Variants in ITGB5 observed in about 807,000 individuals in gnomAD.
ITGB5 encodes the protein integrin beta-5.
In ITGB5, 38 loss-of-function variants were observed where a neutral mutation model predicts 84.8. The observed-to-expected ratio is 0.45, with a 90% CI of 0.35 to 0.59. The LOEUF (loss-of-function observed/expected upper bound fraction) is 0.59. ITGB5 is among the 20% of genes least tolerant of loss of function. ITGB5 has a pLI of 0.01. For synonymous variants in ITGB5, 393 were observed against 414.4 expected, an observed-to-expected ratio of 0.95 and a Z score of 0.63; for missense variants, 905 against 1,034.5, an observed-to-expected ratio of 0.87 and a Z score of 1.72.
At chr3:124,795,394 CAGG>C (rs2064207674) in intron 10 of ITGB5, among the ~76,000 whole-genome samples, 1 of 151,738 alleles carries the variant, frequency 6.6e-6, no homozygotes. Flanking sequence ...GAGTCTGAGG[CAGG>C]AGAATTGCTT....
upstream of ITGB5, chr3:124,887,608 TG>T (rs1158203221): frequency 2.3e-5 from 9 of 394,440 alleles, no homozygotes; most frequent in Non-Finnish European, 4.8e-5. Flanking sequence ...ACTTGGGGCG[TG>T]GGGGGCTCGA....
At chr3:124,846,425 CAAAAA>C (rs1190656208) in intron 4 of ITGB5, among the ~76,000 whole-genome samples, 2 of 69,878 alleles carry the variant, frequency 2.9e-5, no homozygotes, top group African/African-American at 1.1e-4. Context: ...GTTGCACAAG[CAAAAA>C]AAAAAAAAAC....
chr3:124,778,754 G>A (rs946554310), intron 10 of ITGB5, among the ~76,000 whole-genome samples: 5 of 152,176 alleles, frequency 3.3e-5, no homozygotes, highest in African/African-American at 9.7e-5. Context: ...GCAGGATGGG[G>A]AAATGAAGGA....
intron 2 of ITGB5, among the ~76,000 whole-genome samples, chr3:124,861,495 T>TATACACACACACACACACACAC (rs750712591): frequency 1.8e-5 from 2 of 112,014 alleles, no homozygotes; most frequent in African/African-American, 7.5e-5. Context: ...TATATATATA[T>TATACACACACACACACACACAC]ACACACACAC....
intron 2 of ITGB5, among the ~76,000 whole-genome samples, chr3:124,872,795 T>G (rs959316113): frequency 3.3e-5 from 5 of 152,066 alleles, no homozygotes; most frequent in African/African-American, 1.2e-4. Context: ...TTAGTAGAGA[T>G]AGAATCTCGC....
intron 1 of ITGB5, among the ~76,000 whole-genome samples, chr3:124,874,668 T>C (rs1470625127): frequency 6.6e-6 from 1 of 152,208 alleles, no homozygotes; most frequent in Non-Finnish European, 1.5e-5. Context: ...TGTAGACCAA[T>C]GGAACAGAAT....
At chr3:124,851,026 C>T (rs935194641) in intron 3 of ITGB5, among the ~76,000 whole-genome samples, 4 of 152,262 alleles carry the variant, frequency 2.6e-5, no homozygotes, top group Non-Finnish European at 5.9e-5. Flanking sequence ...ACCTGTCCCC[C>T]CAAGTTCCCA....
At chr3:124,780,907 G>T (rs567696969) in intron 10 of ITGB5, among the ~76,000 whole-genome samples, 15 of 152,294 alleles carry the variant, frequency 9.8e-5, no homozygotes, top group Middle Eastern at 3.4e-3. Context: ...ATCACCCAAA[G>T]TCAGATTTCA....
At chr3:124,791,466 C>A (rs974976457) in intron 10 of ITGB5, 1 of 152,196 alleles carries the variant, frequency 6.6e-6, no homozygotes, top group Non-Finnish European at 1.5e-5. Flanking sequence ...TAATGTCTTG[C>A]GCTTTGCCCC....
intron 2 of ITGB5, among the ~76,000 whole-genome samples, chr3:124,867,259 T>C (rs888355150): frequency 2.0e-5 from 3 of 152,160 alleles, no homozygotes; most frequent in Middle Eastern, 3.2e-3. Flanking sequence ...TTTCCATGCA[T>C]CCATGGCCTC....
upstream of ITGB5, among the ~76,000 whole-genome samples, chr3:124,888,009 T>A (rs1934907656): frequency 6.6e-6 from 1 of 151,308 alleles, no homozygotes; most frequent in Non-Finnish European, 1.5e-5. Context: ...CTGGACCTCC[T>A]GGGCTCAAAG....
chr3:124,766,878 TG>T (rs1455846401), intron 12 of ITGB5, among the ~76,000 whole-genome samples: 1 of 152,198 alleles, frequency 6.6e-6, no homozygotes, highest in African/African-American at 2.4e-5. Context: ...GTGCCCACCG[TG>T]GTGGCCATGC....
intron 8 of ITGB5, chr3:124,809,361 G>A: frequency 3.6e-6 from 2 of 559,866 alleles, no homozygotes; most frequent in South Asian, 4.8e-5. Context: ...GACCCAGCCT[G>A]AGGTCTCCCT....
chr3:124,894,574 CCT>C (rs1935065830), intron 1 of ITGB5: 1 of 152,062 alleles, frequency 6.6e-6, no homozygotes. Flanking sequence ...CTCTAAATGC[CCT>C]CTTTCCGCTG....
At chr3:124,812,720 G>T (rs2064524164) in intron 8 of ITGB5, among the ~76,000 whole-genome samples, 2 of 152,190 alleles carry the variant, frequency 1.3e-5, no homozygotes. Context: ...GGCACAGCAA[G>T]AAAAAATGTA....
chr3:124,866,605 G>A (rs1025264837), intron 2 of ITGB5, among the ~76,000 whole-genome samples: 1 of 152,236 alleles, frequency 6.6e-6, no homozygotes, highest in Admixed American at 6.5e-5. Flanking sequence ...GATGAAGAGG[G>A]AAGAAAACAA....
In ITGB5 at chr3:124,868,338, T is replaced by G. The variant is rs372330247; in HGVS notation, c.156+5108A>C. On this transcript the variant is annotated intron_variant, in intron 2 of 14. Coordinates refer to ENST00000296181, the MANE Select transcript of ITGB5 (RefSeq NM_002213.5). ...AGGCTGTCTAGAACAAGGTAGAGAG[T>G]GTGCTGCAGAGAGGCAGGGGCAGCA... Among the ~76,000 whole-genome samples, 32 of 151,520 alleles carry G rather than the reference T, an allele frequency of 2.1e-4. No individual in the cohort carries two copies. In the South Asian group the frequency reaches 6.7e-3, roughly 32 times the overall value.
intron 6 of ITGB5, 61 bp from the exon 7 acceptor site, chr3:124,819,895 G>A: frequency 8.3e-7 from 1 of 1,202,154 alleles, no homozygotes; most frequent in South Asian, 1.2e-5. Context: ...ACCAGCACCT[G>A]GCTCCAATGC....
chr3:124,811,591 T>C (rs889370430), intron 8 of ITGB5, among the ~76,000 whole-genome samples: 2 of 151,938 alleles, frequency 1.3e-5, no homozygotes, highest in Non-Finnish European at 2.9e-5. Context: ...CAAGGGAGGA[T>C]CTGGGAAAAA....
Sources: gnomAD v4.1 joint callset for allele counts (sites outside exome capture counted in the v4.1 genomes callset) on GRCh38, gnomAD v4.1.1 for gene constraint, MANE v1.5 for transcripts, NCBI Gene and HGNC (gene_info 2026-07-23, HGNC 2026-07-21) for gene names.